The following AK4 variants were observed in gnomAD, a reference collection of about 807,000 sequenced individuals.
AK4 encodes adenylate kinase 4, also known as adenylate kinase 4, mitochondrial.
In AK4, 13 loss-of-function variants were observed where a neutral mutation model predicts 24.6. The observed-to-expected ratio is 0.53, with a 90% CI of 0.34 to 0.84. The LOEUF is 0.84. Ranked by LOEUF, AK4 falls within the 40% of genes least tolerant of loss-of-function variation. AK4 has a pLI of 0.01. For missense variants in AK4, 192 were observed against 288.2 expected (o/e 0.67, Z 2.42); for synonymous variants, 88 against 107.0 (o/e 0.82, Z 1.10).
chr1:65,187,435 G>A (rs772199217), intron 1 of AK4, among the ~76,000 whole-genome samples: 1 of 151,824 alleles, frequency 6.6e-6, no homozygotes, highest in Non-Finnish European at 1.5e-5. Flanking sequence ...AGAGGGAGAT[G>A]AGAAGAAGGA....
intron 4 of AK4, 58 bp from the exon 5 acceptor site, chr1:65,226,005 C>A (rs1203676080): frequency 3.2e-6 from 5 of 1,546,616 alleles, no homozygotes; most frequent in Non-Finnish European, 4.4e-6. Context: ...GGATCTTCTG[C>A]ACTAATACGT....
At chr1:65,209,364 A>C (rs1218173267) in intron 2 of AK4, among the ~76,000 whole-genome samples, 1 of 152,240 alleles carries the variant, frequency 6.6e-6, no homozygotes, top group Non-Finnish European at 1.5e-5. Flanking sequence ...CTAGTCAGTC[A>C]TTTAGAAAGC....
chr1:65,216,729 CTG>C lies in AK4; in HGVS notation c.266-2023_266-2022del, dbSNP rs747468030. 2.2e-4 allele frequency among the ~76,000 whole-genome samples: 31 copies of C among 141,250 alleles called. 1 individual carries two copies. Among genetic ancestry groups the C allele is most frequent in the Non-Finnish European group, 4.3e-4 (29 of 67,538 alleles). The allele number at this position is 141,250 out of a possible 152,430, so 92.7% of individuals were successfully genotyped here. On this transcript the variant is annotated intron_variant, in intron 2 of 4. Coordinates refer to ENST00000327299, the MANE Select transcript of AK4 (RefSeq NM_013410.4). ...TGAGACAGGAGCTCACTATCTCACTCTGTCACCCAGGCTGGAGTGCAGTAGTG... is the reference window on the plus strand; with the variant it reads ...TGAGACAGGAGCTCACTATCTCACTCTCACCCAGGCTGGAGTGCAGTAGTG...
intron 1 of AK4, among the ~76,000 whole-genome samples, chr1:65,172,770 C>T (rs1340217897): frequency 1.3e-5 from 2 of 151,610 alleles, no homozygotes; most frequent in Non-Finnish European, 2.9e-5. Flanking sequence ...TAGAATAAGA[C>T]TTCCAGAGTT....
intron 3 of AK4, 70 bp from the exon 4 acceptor site, chr1:65,224,681 AC>A: frequency 1.6e-6 from 2 of 1,216,934 alleles, no homozygotes; most frequent in South Asian, 2.5e-5. Flanking sequence ...ATGGTTTTGC[AC>A]AGAAAAGTTT....
chr1:65,210,430 G>A (rs898204221), intron 2 of AK4, among the ~76,000 whole-genome samples: 6 of 151,798 alleles, frequency 4.0e-5, no homozygotes, highest in Non-Finnish European at 7.4e-5. Flanking sequence ...CCTCCTCACC[G>A]TACCCTCTGG....
At chr1:65,222,823 G>A (rs1385047265) in intron 3 of AK4, among the ~76,000 whole-genome samples, 1 of 152,168 alleles carries the variant, frequency 6.6e-6, no homozygotes, top group Non-Finnish European at 1.5e-5. Context: ...TGAGTTGCCT[G>A]TGCCTCTCAG....
Position 65,148,335 on chromosome 1 carries a change from C to G in AK4, c.-73C>G. 1 of 1,479,922 alleles carries G rather than the reference C, an allele frequency of 6.8e-7. No individual in the cohort carries two copies. Among genetic ancestry groups the G allele is most frequent in the South Asian group, 1.4e-5 (1 of 73,842 alleles). The allele number at this position is 1,479,922 out of a possible 1,614,324, so 91.7% of individuals were successfully genotyped here. ...GTGCCAGAGGTAGGGGGCCGAGAAA[C>G]AAAGTTCCCGGGGCTTCCTCCGGGG... On this transcript the variant is annotated 5_prime_UTR_variant, in exon 1 of 5. Transcript: ENST00000327299.
intron 1 of AK4, among the ~76,000 whole-genome samples, chr1:65,152,329 T>C (rs61063514): frequency 0.015 from 488 of 31,494 alleles, 4 homozygotes; most frequent in African/African-American, 0.045. Context: ...TCTCTCTCTC[T>C]CTCTCTCTCT....
At chr1:65,165,402 G>A (rs906922319) in intron 1 of AK4, among the ~76,000 whole-genome samples, 1 of 152,058 alleles carries the variant, frequency 6.6e-6, no homozygotes, top group Admixed American at 6.6e-5. Flanking sequence ...ACTTTGTGAG[G>A]TGAGATGACA....
chr1:65,161,930 A>G (rs1391882399), intron 1 of AK4, among the ~76,000 whole-genome samples: 1 of 152,092 alleles, frequency 6.6e-6, no homozygotes, highest in Non-Finnish European at 1.5e-5. Context: ...AGCTCTGAAT[A>G]AGGGTAGGAG....
chr1:65,204,245 G>T (rs1651749458), intron 2 of AK4, among the ~76,000 whole-genome samples: 1 of 149,532 alleles, frequency 6.7e-6, no homozygotes, highest in Admixed American at 6.7e-5. Flanking sequence ...GTGTCGCCCA[G>T]GCTGGAGTGC....
intron 2 of AK4, among the ~76,000 whole-genome samples, chr1:65,200,803 G>GTTT (rs397803566): frequency 2.7e-5 from 4 of 146,622 alleles, no homozygotes; most frequent in East Asian, 2.0e-4. Context: ...GCTGGGTTTT[G>GTTT]TTTTTTTTTT....
intron 4 of AK4, 102 bp downstream of exon 4, chr1:65,224,972 C>CAGAT (rs1652410494): frequency 1.2e-6 from 1 of 823,440 alleles, no homozygotes; most frequent in African/African-American, 1.7e-5. Flanking sequence ...TTCTTTAAGA[C>CAGAT]AGATAAACAC....
chr1:65,183,936 A>G (rs1405377240), intron 1 of AK4, among the ~76,000 whole-genome samples: 3 of 152,282 alleles, frequency 2.0e-5, no homozygotes, highest in South Asian at 2.1e-4. Context: ...GGCTAACAAA[A>G]TATCTTTCCA....
At chr1:65,165,068 C>T (rs1650285005) in intron 1 of AK4, among the ~76,000 whole-genome samples, 2 of 152,046 alleles carry the variant, frequency 1.3e-5, no homozygotes, top group African/African-American at 4.8e-5. Context: ...CAACAATTTA[C>T]AAGATAAAAA....
At chr1:65,199,442 G>A (rs900408018) in intron 2 of AK4, among the ~76,000 whole-genome samples, 4 of 151,986 alleles carry the variant, frequency 2.6e-5, no homozygotes, top group East Asian at 2.0e-4. Context: ...CCAGCTACTC[G>A]GGAGGCTAAG....
chr1:65,167,719 C>A (rs1322823909), intron 1 of AK4, among the ~76,000 whole-genome samples: 1 of 152,202 alleles, frequency 6.6e-6, no homozygotes, highest in African/African-American at 2.4e-5. Flanking sequence ...CCATTCTGTG[C>A]TGGATCCATT....
intron 1 of AK4, among the ~76,000 whole-genome samples, chr1:65,156,937 A>G (rs1384571254): frequency 6.6e-6 from 1 of 152,086 alleles, no homozygotes; most frequent in East Asian, 1.9e-4. Context: ...AAAAAAAAAA[A>G]AAAGAAAGAA....
Sources: gnomAD v4.1 joint callset for allele counts (sites outside exome capture counted in the v4.1 genomes callset) on GRCh38, gnomAD v4.1.1 for gene constraint, MANE v1.5 for transcripts, NCBI Gene and HGNC (gene_info 2026-07-23, HGNC 2026-07-21) for gene names.